DGKH: variants seen among roughly 807,000 people sequenced by gnomAD.
The protein encoded by DGKH is DAG kinase eta.
Under a neutral mutation model 159.3 loss-of-function variants are expected in DGKH, and 90 were observed. The observed-to-expected ratio is 0.57, with a 90% CI of 0.48 to 0.67. The LOEUF (loss-of-function observed/expected upper bound fraction) is 0.67. Ranked by LOEUF, DGKH falls within the 30% of genes least tolerant of loss-of-function variation. The pLI is 0.00. For missense variants in DGKH, 1,181 were observed against 1,506.1 expected (o/e 0.78, Z 3.57); for synonymous variants, 536 against 553.8 (o/e 0.97, Z 0.45).
chr13:42,158,389 A>G (rs1331468314), intron 5 of DGKH, among the ~76,000 whole-genome samples: 1 of 152,198 alleles, frequency 6.6e-6, no homozygotes, highest in African/African-American at 2.4e-5. Flanking sequence ...AGCTGACCTA[A>G]TATCAGTATC....
chr13:42,103,233 G>T (rs1283348494), intron 1 of DGKH, among the ~76,000 whole-genome samples: 1 of 152,152 alleles, frequency 6.6e-6, no homozygotes, highest in Non-Finnish European at 1.5e-5. Context: ...GAATGCAGCT[G>T]GGTTTTCTTC....
intron 1 of DGKH, among the ~76,000 whole-genome samples, chr13:42,053,758 A>G (rs9594667): frequency 0.17 from 26,516 of 151,714 alleles, 2,402 homozygotes; most frequent in Non-Finnish European, 0.21. Context: ...TGCTGGGACT[A>G]CAGGCGCATG....
At chr13:42,136,211 G>A (rs143085669) in intron 3 of DGKH, among the ~76,000 whole-genome samples, 1 of 152,330 alleles carries the variant, frequency 6.6e-6, no homozygotes, top group East Asian at 1.9e-4. Flanking sequence ...TTTCCAAGTA[G>A]CAGTATGTTG....
At chr13:42,057,155 A>G (rs1881824724) in intron 1 of DGKH, among the ~76,000 whole-genome samples, 1 of 146,598 alleles carries the variant, frequency 6.8e-6, no homozygotes, top group African/African-American at 2.6e-5. Context: ...ATAGGTTTTC[A>G]AAGAAAACTG....
rs1954156748 is a variant in DGKH, at chr13:42,079,260, A to G, written c.192+30295A>G. ...AAATATATGTACAAAGTTATGGAGT[A>G]TATGCACAAAGTTATTTGTATATTT... On this transcript the variant is annotated intron_variant, in intron 1 of 29. Coordinates refer to ENST00000337343, the MANE Select transcript of DGKH (RefSeq NM_178009.5). Among the ~76,000 whole-genome samples, 12 of 152,270 alleles carry G rather than the reference A, an allele frequency of 7.9e-5. No individual in the cohort carries two copies. The South Asian group carries it at 2.5e-3, about 32-fold the overall frequency.
intron 1 of DGKH, among the ~76,000 whole-genome samples, chr13:42,084,403 T>C (rs955558552): frequency 1.3e-5 from 2 of 152,180 alleles, no homozygotes; most frequent in African/African-American, 2.4e-5. Flanking sequence ...TTCAGTGTTG[T>C]ATATAAGAGT....
In DGKH at chr13:42,206,033, T is replaced by G; in HGVS notation, c.2494-6T>G. 7.6e-7 allele frequency: 1 copy of G among 1,320,792 alleles called. No individual in the cohort carries two copies. The allele number at this position is 1,320,792 out of a possible 1,614,324, so 81.8% of individuals were successfully genotyped here. On this transcript the variant is annotated splice_region_variant and splice_polypyrimidine_tract_variant and intron_variant, in intron 20 of 29. Coordinates refer to ENST00000337343, the MANE Select transcript of DGKH (RefSeq NM_178009.5). Reference sequence around the variant, plus strand: ...TCTACTTTTTTTTTTTTTTTTTACCTTACAGTGTGATGGGCAGTATATTCC... The same window carrying G: ...TCTACTTTTTTTTTTTTTTTTTACCGTACAGTGTGATGGGCAGTATATTCC...
At chr13:42,221,234 T>C in intron 28 of DGKH, 30 bp from the exon 29 acceptor site, 4 of 1,611,622 alleles carry the variant, frequency 2.5e-6, no homozygotes, top group Non-Finnish European at 3.4e-6. Flanking sequence ...CATGTAGAAA[T>C]TAAGGGGGTT....
At chr13:42,211,142 GA>G (rs1306994248) in intron 24 of DGKH, among the ~76,000 whole-genome samples, 1 of 152,134 alleles carries the variant, frequency 6.6e-6, no homozygotes. Context: ...AAAAAGAAAA[GA>G]GATAAAAAGC....
chr13:42,066,955 A>G (rs774061647), intron 1 of DGKH, among the ~76,000 whole-genome samples: 1 of 152,114 alleles, frequency 6.6e-6, no homozygotes, highest in Non-Finnish European at 1.5e-5. Flanking sequence ...ATGTATGTAT[A>G]TGTTTTATTA....
intron 3 of DGKH, among the ~76,000 whole-genome samples, chr13:42,147,360 C>A (rs9525581): frequency 6.6e-6 from 1 of 151,900 alleles, no homozygotes; most frequent in African/African-American, 2.4e-5. Flanking sequence ...TACTTTTTTG[C>A]TATCATTTTC....
chr13:42,172,030 A>T lies in DGKH; in HGVS notation c.1368-2030A>T, dbSNP rs1265922506. Among the ~76,000 whole-genome samples, 7 of 151,940 alleles carry T rather than the reference A, an allele frequency of 4.6e-5. No homozygotes were observed. The South Asian group carries it at 1.4e-3, about 31-fold the overall frequency. On this transcript the variant is annotated intron_variant, in intron 11 of 29. Coordinates refer to ENST00000337343, the MANE Select transcript of DGKH (RefSeq NM_178009.5). ...TTTTTAGTAGAGACGGGGTTTCACC[A>T]TGTTAGCCAGGATGGTCTTGATCTC...
intron 7 of DGKH, among the ~76,000 whole-genome samples, chr13:42,162,148 G>T (rs1232402087): frequency 6.6e-6 from 1 of 152,140 alleles, no homozygotes; most frequent in African/African-American, 2.4e-5. Flanking sequence ...TCACCTTATA[G>T]CACCTCTCTT....
downstream of DGKH, among the ~76,000 whole-genome samples, chr13:42,246,364 G>A (rs1007718152): frequency 5.9e-5 from 9 of 152,060 alleles, no homozygotes; most frequent in African/African-American, 1.9e-4. Context: ...GAGGAGGATC[G>A]CTTGAGCCCA....
Position 42,187,159 on chromosome 13 carries a change from A to ACT in DGKH, c.1638+14_1638+15dup. The ACT allele has an allele frequency of 6.2e-7, 1 of 1,606,980 alleles. No individual in the cohort carries two copies. Among genetic ancestry groups the ACT allele is most frequent in the Non-Finnish European group, 8.5e-7 (1 of 1,173,818 alleles). ...GCCGTGGCCAGTAAAGTAAGAGGGG[A>ACT]CTCTTCAGGGCATGAGAGTTGTTTA... On this transcript the variant is annotated intron_variant, in intron 14 of 29. Coordinates refer to ENST00000337343, the MANE Select transcript of DGKH (RefSeq NM_178009.5).
intron 1 of DGKH, among the ~76,000 whole-genome samples, chr13:42,111,721 T>C (rs1052591391): frequency 6.6e-6 from 1 of 152,238 alleles, no homozygotes; most frequent in African/African-American, 2.4e-5. Context: ...GGTGTTGGAA[T>C]ACTTCACTAG....
chr13:42,094,454 T>C (rs1439328178), intron 1 of DGKH, among the ~76,000 whole-genome samples: 1 of 152,168 alleles, frequency 6.6e-6, no homozygotes, highest in Non-Finnish European at 1.5e-5. Flanking sequence ...TATTAGAATT[T>C]AGTGTGAGTC....
chr13:42,151,527 ACG>A (rs1216990210), intron 3 of DGKH, among the ~76,000 whole-genome samples: 8 of 92,228 alleles, frequency 8.7e-5, no homozygotes, highest in African/African-American at 6.8e-5. Flanking sequence ...ATATATATAC[ACG>A]TGTATATATA....
At chr13:42,194,106 C>A (rs771612151) in intron 16 of DGKH, among the ~76,000 whole-genome samples, 4 of 152,140 alleles carry the variant, frequency 2.6e-5, no homozygotes, top group Non-Finnish European at 4.4e-5. Flanking sequence ...AAAATACGTT[C>A]ATTTCACTTG....
Sources: gnomAD v4.1 joint callset for allele counts (sites outside exome capture counted in the v4.1 genomes callset) on GRCh38, gnomAD v4.1.1 for gene constraint, MANE v1.5 for transcripts, NCBI Gene and HGNC (gene_info 2026-07-23, HGNC 2026-07-21) for gene names.